Variants in CENPP observed in about 807,000 individuals in gnomAD.
The protein encoded by CENPP is centromere protein P.
A neutral mutation model predicts 35.6 loss-of-function variants in CENPP; 24 were observed. The ratio of observed to expected loss-of-function variants is 0.67; its 90% confidence interval spans 0.49 to 0.95. The LOEUF is 0.95. Among genes scored for constraint, CENPP ranks in the 40% least tolerant of loss-of-function variants. CENPP has a pLI of 0.00. For missense variants in CENPP, 332 were observed against 345.3 expected (o/e 0.96, Z 0.31); for synonymous variants, 120 against 125.5 (o/e 0.96, Z 0.29).
In CENPP at chr9:92,489,966, A is replaced by C. The variant is rs1846140185; in HGVS notation, c.564+110107A>C. Among the ~76,000 whole-genome samples the C allele has an allele frequency of 2.0e-5, 3 of 152,326 alleles. No individual in the cohort carries two copies. In the South Asian group the frequency reaches 6.2e-4, roughly 32 times the overall value. On this transcript the variant is annotated intron_variant, in intron 5 of 7. Transcript: ENST00000375587. ...TATTAGACCCACTCCTTTTTCCACTATATTCAATACCAATCTAAGAAATCA... is the reference window on the plus strand; with the variant it reads ...TATTAGACCCACTCCTTTTTCCACTCTATTCAATACCAATCTAAGAAATCA...
Position 92,540,770 on chromosome 9 carries a change from C to CA in CENPP, c.565-70531dup, listed in dbSNP as rs34768785. On this transcript the variant is annotated intron_variant, in intron 5 of 7. Coordinates refer to ENST00000375587, the MANE Select transcript of CENPP (RefSeq NM_001012267.3). Reference sequence around the variant, plus strand: ...TGGGCAACAGAGCACGACTCTGTCTCAAAAAAAAAAAAATCATCAATGAAG... The same window carrying CA: ...TGGGCAACAGAGCACGACTCTGTCTCAAAAAAAAAAAAAATCATCAATGAAG... 8.4e-4 allele frequency among the ~76,000 whole-genome samples: 120 copies of CA among 142,076 alleles called. 1 individual carries two copies. The highest frequency in any genetic ancestry group is 1.3e-3 in the African/African-American group (51 of 39,654). 93.2% of individuals were successfully genotyped at this position (142,076 alleles called of 152,430 possible).
chr9:92,442,196 G>A (rs541354202), intron 5 of CENPP, among the ~76,000 whole-genome samples: 32 of 151,842 alleles, frequency 2.1e-4, no homozygotes, highest in African/African-American at 6.0e-4. Context: ...TCAGGAGTTC[G>A]AGACCAGCCT....
chr9:92,500,842 C>A, intron 5 of CENPP: 1 of 1,614,108 alleles, frequency 6.2e-7, no homozygotes, highest in Non-Finnish European at 8.5e-7. Context: ...GAATGATATG[C>A]CCCATAGAAG....
chr9:92,607,175 T>C (rs1851104891), intron 5 of CENPP, among the ~76,000 whole-genome samples: 1 of 151,590 alleles, frequency 6.6e-6, no homozygotes, highest in African/African-American at 2.4e-5. Flanking sequence ...ATTTTTGTAT[T>C]TGGTGTGCAG....
At chr9:92,403,400 G>A in intron 5 of CENPP, 1 of 1,597,670 alleles carries the variant, frequency 6.3e-7, no homozygotes, top group African/African-American at 1.3e-5. Context: ...AGACTGCAGA[G>A]TCTTCATTTT....
At chr9:92,532,217 C>T (rs908102270) in intron 5 of CENPP, among the ~76,000 whole-genome samples, 3 of 151,426 alleles carry the variant, frequency 2.0e-5, no homozygotes, top group Admixed American at 6.6e-5. Flanking sequence ...GAAATCATCT[C>T]TCAATCTAAT....
intron 5 of CENPP, among the ~76,000 whole-genome samples, chr9:92,584,602 A>G (rs1850500616): frequency 6.6e-6 from 1 of 152,038 alleles, no homozygotes; most frequent in Admixed American, 6.6e-5. Flanking sequence ...CAGCCTCCCA[A>G]AGTGCTGGGA....
At chr9:92,605,051 G>A (rs555932376) in intron 5 of CENPP, among the ~76,000 whole-genome samples, 1 of 152,160 alleles carries the variant, frequency 6.6e-6, no homozygotes, top group Admixed American at 6.5e-5. Context: ...TGCAATCCTG[G>A]CTCACTGCAA....
intron 5 of CENPP, among the ~76,000 whole-genome samples, chr9:92,405,696 G>T (rs915725133): frequency 2.0e-5 from 3 of 152,136 alleles, no homozygotes; most frequent in African/African-American, 7.2e-5. Context: ...AAGTAAGCTG[G>T]ATAGATACCA....
chr9:92,370,653 G>A (rs1235559218), intron 4 of CENPP, among the ~76,000 whole-genome samples: 1 of 151,918 alleles, frequency 6.6e-6, no homozygotes, highest in East Asian at 1.9e-4. Flanking sequence ...GCTAATTTTT[G>A]TATTTTTTTG....
At chr9:92,449,000 T>A (rs1421671469) in intron 5 of CENPP, among the ~76,000 whole-genome samples, 1 of 152,190 alleles carries the variant, frequency 6.6e-6, no homozygotes, top group Non-Finnish European at 1.5e-5. Flanking sequence ...ATATTCTCAT[T>A]GATATATTTG....
At chr9:92,608,133 T>C (rs1336966154) in intron 5 of CENPP, among the ~76,000 whole-genome samples, 2 of 152,292 alleles carry the variant, frequency 1.3e-5, no homozygotes, top group African/African-American at 4.8e-5. Flanking sequence ...ACAATATCCA[T>C]GGAAGCACAG....
chr9:92,521,508 A>G (rs1295001316), intron 5 of CENPP, among the ~76,000 whole-genome samples: 7 of 152,202 alleles, frequency 4.6e-5, no homozygotes, highest in African/African-American at 1.7e-4. Context: ...ACGAAGAAGC[A>G]TTTAGCTGTA....
intron 5 of CENPP, among the ~76,000 whole-genome samples, chr9:92,556,777 C>T (rs1008246141): frequency 6.6e-6 from 1 of 152,152 alleles, no homozygotes; most frequent in Non-Finnish European, 1.5e-5. Context: ...TTAGTGAGTC[C>T]TTATCTACTC....
At chr9:92,369,535 G>C (rs1049720846) in intron 4 of CENPP, among the ~76,000 whole-genome samples, 4 of 152,174 alleles carry the variant, frequency 2.6e-5, no homozygotes, top group African/African-American at 9.7e-5. Flanking sequence ...CTAGAGATTG[G>C]CTAGGATTGC....
At chr9:92,371,997 C>T (rs1250005136) in intron 4 of CENPP, among the ~76,000 whole-genome samples, 2 of 129,752 alleles carry the variant, frequency 1.5e-5, no homozygotes, top group African/African-American at 5.9e-5. Flanking sequence ...TCCCGAGACT[C>T]GTGCCACTGT....
intron 5 of CENPP, among the ~76,000 whole-genome samples, chr9:92,599,592 T>C (rs1429566745): frequency 6.6e-6 from 1 of 152,124 alleles, no homozygotes; most frequent in East Asian, 1.9e-4. Flanking sequence ...AATTTTTGTA[T>C]TTTTAGTACA....
intron 5 of CENPP, among the ~76,000 whole-genome samples, chr9:92,449,508 G>C (rs1844646334): frequency 6.9e-6 from 1 of 145,448 alleles, no homozygotes; most frequent in East Asian, 2.0e-4. Context: ...TACCTCATAG[G>C]GTTATTGTGA....
At chr9:92,511,617 C>A (rs1162340175) in intron 5 of CENPP, among the ~76,000 whole-genome samples, 3 of 151,688 alleles carry the variant, frequency 2.0e-5, no homozygotes, top group African/African-American at 4.8e-5. Flanking sequence ...ATTGCACACA[C>A]AAAAAAAGGA....
Sources: allele counts gnomAD v4.1 joint callset (sites outside exome capture counted in the v4.1 genomes callset), GRCh38; gene constraint gnomAD v4.1.1; transcripts MANE v1.5; gene names NCBI Gene and HGNC (gene_info 2026-07-23, HGNC 2026-07-21).